The following CCDC192 variants were observed in gnomAD, a reference collection of about 807,000 sequenced individuals.
The protein encoded by CCDC192 is coiled-coil domain-containing protein 192.
chr5:127,753,644 T>C (rs1897525), intron 2 of CCDC192, among the ~76,000 whole-genome samples: 41,268 of 148,582 alleles, frequency 0.28, 6,408 homozygotes, highest in South Asian at 0.43. Flanking sequence ...GCCAAGATCG[T>C]GCCCTTGCAC....
At chr5:127,719,782 G>A (rs1284490217) in intron 2 of CCDC192, among the ~76,000 whole-genome samples, 1 of 145,636 alleles carries the variant, frequency 6.9e-6, no homozygotes, top group Non-Finnish European at 1.5e-5. Context: ...AATCATGGTG[G>A]AAGTTGAAGA....
intron 5 of CCDC192, among the ~76,000 whole-genome samples, chr5:127,853,555 C>T (rs1287133591): frequency 6.6e-6 from 1 of 152,102 alleles, no homozygotes; most frequent in Non-Finnish European, 1.5e-5. Flanking sequence ...GGCAGATCAC[C>T]TGAAGTCAGG....
chr5:127,717,039 C>T (rs1405987705), intron 2 of CCDC192, among the ~76,000 whole-genome samples: 1 of 152,072 alleles, frequency 6.6e-6, no homozygotes. Flanking sequence ...AAATATTAAA[C>T]AGCCATAGTG....
intron 3 of CCDC192, among the ~76,000 whole-genome samples, chr5:127,780,635 C>T (rs1756157603): frequency 6.6e-6 from 1 of 152,094 alleles, no homozygotes; most frequent in Admixed American, 6.6e-5. Context: ...TCAGAATCGT[C>T]TATTCATGTC....
chr5:127,903,248 T>TC (rs917544330), intron 6 of CCDC192, among the ~76,000 whole-genome samples: 2 of 151,836 alleles, frequency 1.3e-5, no homozygotes, highest in African/African-American at 2.4e-5. Flanking sequence ...GGAATTTTTT[T>TC]TTTTTTTTTT....
intron 6 of CCDC192, among the ~76,000 whole-genome samples, chr5:127,925,005 A>C (rs115011701): frequency 0.013 from 2,026 of 152,324 alleles, 32 homozygotes; most frequent in African/African-American, 0.046. Flanking sequence ...ATTTTGATTT[A>C]TGTACAATAC....
intron 5 of CCDC192, among the ~76,000 whole-genome samples, chr5:127,847,697 C>T (rs1750619256): frequency 6.6e-6 from 1 of 152,050 alleles, no homozygotes; most frequent in African/African-American, 2.4e-5. Context: ...TGGCAGGCAC[C>T]TGTAATCCCA....
chr5:127,759,755 T>TCA (rs1186694477), intron 3 of CCDC192, among the ~76,000 whole-genome samples: 4 of 152,018 alleles, frequency 2.6e-5, no homozygotes, highest in East Asian at 3.9e-4. Context: ...TCTTTCTTTC[T>TCA]CACACACACA....
chr5:127,738,078 C>T (rs1389206224), intron 2 of CCDC192, among the ~76,000 whole-genome samples: 7 of 151,956 alleles, frequency 4.6e-5, no homozygotes, highest in South Asian at 4.2e-4. Context: ...CCAGTTGTTC[C>T]TTTCCATGTT....
intron 5 of CCDC192, among the ~76,000 whole-genome samples, chr5:127,852,188 G>T (rs146602681): frequency 3.5e-4 from 54 of 152,156 alleles, no homozygotes; most frequent in African/African-American, 1.3e-3. Flanking sequence ...AATTATTCTC[G>T]TCAGTCTGGC....
At chr5:127,872,763 T>G (rs1751914972) in intron 5 of CCDC192, among the ~76,000 whole-genome samples, 2 of 152,190 alleles carry the variant, frequency 1.3e-5, no homozygotes, top group African/African-American at 2.4e-5. Flanking sequence ...ATTGTTTGAC[T>G]CAGCTTCCTC....
intron 2 of CCDC192, among the ~76,000 whole-genome samples, chr5:127,750,823 G>A (rs933153308): frequency 3.3e-5 from 5 of 151,486 alleles, no homozygotes; most frequent in Non-Finnish European, 5.9e-5. Flanking sequence ...ATATATTTAG[G>A]GTAGTTAGCT....
chr5:127,727,063 G>A (rs2126809091), intron 2 of CCDC192, among the ~76,000 whole-genome samples: 1 of 152,334 alleles, frequency 6.6e-6, no homozygotes, highest in South Asian at 2.1e-4. Flanking sequence ...CATCTTTGCT[G>A]TTCTGCAGCC....
intron 5 of CCDC192, among the ~76,000 whole-genome samples, chr5:127,845,232 T>C (rs1750479389): frequency 6.6e-6 from 1 of 152,178 alleles, no homozygotes; most frequent in Non-Finnish European, 1.5e-5. Context: ...TGGAGCTGTC[T>C]GGAGGAGAGT....
At chr5:127,897,218 A>G (rs1294346780) in intron 6 of CCDC192, among the ~76,000 whole-genome samples, 1 of 152,236 alleles carries the variant, frequency 6.6e-6, no homozygotes, top group Non-Finnish European at 1.5e-5. Context: ...ACATTATATC[A>G]GAATCACTTT....
chr5:127,790,176 A>C (rs1207602550), intron 3 of CCDC192, among the ~76,000 whole-genome samples: 1 of 152,118 alleles, frequency 6.6e-6, no homozygotes, highest in Non-Finnish European at 1.5e-5. Flanking sequence ...TTGAGCATTA[A>C]AGTCTAGTGG....
At chr5:127,763,360 C>T (rs1755036303) in intron 3 of CCDC192, among the ~76,000 whole-genome samples, 1 of 152,172 alleles carries the variant, frequency 6.6e-6, no homozygotes, top group Admixed American at 6.6e-5. Flanking sequence ...CAATCAATTG[C>T]TGAGTACTAC....
chr5:127,750,931 T>C (rs1754119942), intron 2 of CCDC192, among the ~76,000 whole-genome samples: 1 of 150,004 alleles, frequency 6.7e-6, no homozygotes, highest in Admixed American at 6.6e-5. Context: ...AGACTAAGAT[T>C]GCAACCCCTG....
chr5:127,802,492 T>C (rs1757558444), intron 5 of CCDC192, among the ~76,000 whole-genome samples: 1 of 152,154 alleles, frequency 6.6e-6, no homozygotes, highest in South Asian at 2.1e-4. Flanking sequence ...TGCTTGTAGC[T>C]CCTTGCTACC....
Sources: gnomAD v4.1 joint callset for allele counts (sites outside exome capture counted in the v4.1 genomes callset) on GRCh38, gnomAD v4.1.1 for gene constraint, MANE v1.5 for transcripts, NCBI Gene and HGNC (gene_info 2026-07-23, HGNC 2026-07-21) for gene names.